Variants in FAM117B observed in about 807,000 individuals in gnomAD.
FAM117B encodes the protein protein FAM117B.
In FAM117B, 22 loss-of-function variants were observed where a neutral mutation model predicts 52.8. The ratio of observed to expected loss-of-function variants is 0.42; its 90% confidence interval spans 0.30 to 0.59. The LOEUF (loss-of-function observed/expected upper bound fraction) is 0.59, where lower values mean the gene tolerates loss of function less well. FAM117B is among the 20% of genes least tolerant of loss of function. The probability of loss-of-function intolerance (pLI) is 0.22; values close to 1 mark genes in which losing one functional copy is unlikely to be tolerated. For synonymous variants in FAM117B, 309 were observed against 324.1 expected (o/e 0.95, Z 0.50); for missense variants, 678 against 802.6 (o/e 0.84, Z 1.88).
intron 1 of FAM117B, among the ~76,000 whole-genome samples, chr2:202,645,980 G>A (rs201262040): frequency 1.3e-5 from 2 of 151,538 alleles, no homozygotes; most frequent in East Asian, 3.9e-4. Flanking sequence ...TTCTTCAAGA[G>A]CACTTGCCTT....
intron 7 of FAM117B, among the ~76,000 whole-genome samples, chr2:202,759,981 A>G (rs1026762973): frequency 6.6e-6 from 1 of 152,234 alleles, no homozygotes; most frequent in African/African-American, 2.4e-5. Context: ...GATTGCAGGC[A>G]TGAGCCACTG....
chr2:202,709,213 T>G (rs890727947), intron 2 of FAM117B, among the ~76,000 whole-genome samples: 8 of 151,934 alleles, frequency 5.3e-5, no homozygotes, highest in Non-Finnish European at 1.0e-4. Context: ...ACCTTTTTTT[T>G]TTTTTCCAGA....
chr2:202,708,405 T>C (rs1481290895), intron 2 of FAM117B, among the ~76,000 whole-genome samples: 1 of 152,230 alleles, frequency 6.6e-6, no homozygotes, highest in African/African-American at 2.4e-5. Context: ...AATTTCTTTT[T>C]TTTTAAGACT....
At chr2:202,652,518 A>C (rs1689972541) in intron 1 of FAM117B, among the ~76,000 whole-genome samples, 1 of 152,214 alleles carries the variant, frequency 6.6e-6, no homozygotes, top group South Asian at 2.1e-4. Context: ...TGCAGTATTC[A>C]GGGGTTAACA....
chr2:202,690,102 C>CA (rs1690598885), intron 1 of FAM117B, among the ~76,000 whole-genome samples: 1 of 152,184 alleles, frequency 6.6e-6, no homozygotes, highest in African/African-American at 2.4e-5. Flanking sequence ...AACAGGTACT[C>CA]ATAGTTGGGG....
chr2:202,636,078 A>G (rs1328223195), intron 1 of FAM117B, among the ~76,000 whole-genome samples: 1 of 149,568 alleles, frequency 6.7e-6, no homozygotes, highest in Non-Finnish European at 1.5e-5. Context: ...GATGAGTGTT[A>G]ATGATAAACC....
At chr2:202,725,179 T>A in intron 3 of FAM117B, 170 bp downstream of exon 3, 1 of 454,130 alleles carries the variant, frequency 2.2e-6, no homozygotes, top group Non-Finnish European at 4.0e-6. Context: ...AAGATTTCAA[T>A]AGGGATATTT....
intron 2 of FAM117B, among the ~76,000 whole-genome samples, chr2:202,715,413 C>T (rs1691035605): frequency 6.6e-6 from 1 of 150,504 alleles, no homozygotes; most frequent in African/African-American, 2.5e-5. Flanking sequence ...GACGGGGCGG[C>T]CGGGCAGAGA....
intron 2 of FAM117B, among the ~76,000 whole-genome samples, chr2:202,702,151 G>A (rs1295278600): frequency 6.6e-6 from 1 of 152,162 alleles, no homozygotes; most frequent in Non-Finnish European, 1.5e-5. Flanking sequence ...CCAGTACTTT[G>A]GGAGGACGAG....
intron 1 of FAM117B, among the ~76,000 whole-genome samples, chr2:202,653,356 CTTTTG>C (rs752933244): frequency 1.5e-4 from 23 of 152,106 alleles, no homozygotes; most frequent in South Asian, 4.1e-4. Context: ...AAGTATTTAA[CTTTTG>C]TTTTGTTTTG....
intron 4 of FAM117B, among the ~76,000 whole-genome samples, chr2:202,746,106 G>C (rs1168679286): frequency 6.6e-6 from 1 of 152,140 alleles, no homozygotes; most frequent in African/African-American, 2.4e-5. Context: ...TGAACTAATA[G>C]ACATTTACAG....
intron 1 of FAM117B, among the ~76,000 whole-genome samples, chr2:202,694,339 C>T (rs1423038889): frequency 4.6e-5 from 7 of 151,174 alleles, no homozygotes; most frequent in South Asian, 2.1e-4. Context: ...TACAGGCGCC[C>T]GCCACCACAC....
At chr2:202,678,403 G>C (rs913810826) in intron 1 of FAM117B, among the ~76,000 whole-genome samples, 8 of 152,156 alleles carry the variant, frequency 5.3e-5, no homozygotes, top group African/African-American at 1.9e-4. Flanking sequence ...CACATAGCCC[G>C]TGAAAAAACT....
chr2:202,738,526 T>C (rs2105792155), intron 4 of FAM117B, among the ~76,000 whole-genome samples: 1 of 152,340 alleles, frequency 6.6e-6, no homozygotes, highest in South Asian at 2.1e-4. Context: ...GAAGTACTCA[T>C]TTTAGAAAAT....
chr2:202,724,975 C>A lies in FAM117B; in HGVS notation c.812C>A (p.Ser271Ter). ...AAGAAGAAAGGGTCTCACAAGCGCT[C>A]AGCATCTTGGGGCAGTACAGATCAA... ...SEKKKGSHKR[S>*]ASWGSTDQLK... Residue 271 changes from serine (S) to a stop codon, truncating the protein, a stop_gained, in exon 3 of 8, where the codon TCA becomes TAA. Transcript: ENST00000392238. LOFTEE classifies it high-confidence loss of function. 1 of 1,613,364 alleles carries A rather than the reference C, an allele frequency of 6.2e-7. No homozygotes were observed. The highest frequency in any genetic ancestry group is 1.1e-5 in the South Asian group (1 of 91,032).
intron 2 of FAM117B, among the ~76,000 whole-genome samples, chr2:202,711,345 T>C (rs1399945716): frequency 6.6e-6 from 1 of 152,204 alleles, no homozygotes; most frequent in African/African-American, 2.4e-5. Flanking sequence ...TGTTTGTCAT[T>C]TGTATGTCTT....
intron 2 of FAM117B, among the ~76,000 whole-genome samples, chr2:202,716,743 A>G (rs889192798): frequency 3.3e-5 from 5 of 152,060 alleles, no homozygotes; most frequent in African/African-American, 1.2e-4. Flanking sequence ...CTGTGTTTTC[A>G]AATAAACTGT....
At chr2:202,666,456 A>G (rs1690206040) in intron 1 of FAM117B, among the ~76,000 whole-genome samples, 1 of 151,838 alleles carries the variant, frequency 6.6e-6, no homozygotes. Context: ...AGGATGGCAG[A>G]CAGAAGGCTT....
chr2:202,747,320 G>A (rs993299772), intron 4 of FAM117B, among the ~76,000 whole-genome samples: 1 of 152,102 alleles, frequency 6.6e-6, no homozygotes, highest in African/African-American at 2.4e-5. Flanking sequence ...CAGCTAAATT[G>A]TACTGAATGG....
Sources: allele counts gnomAD v4.1 joint callset (sites outside exome capture counted in the v4.1 genomes callset), GRCh38; gene constraint gnomAD v4.1.1; transcripts MANE v1.5; gene names NCBI Gene and HGNC (gene_info 2026-07-23, HGNC 2026-07-21).